DLG2: variants seen among roughly 807,000 people sequenced by gnomAD.
DLG2 encodes disks large homolog 2.
In DLG2, 45 loss-of-function variants were observed where a neutral mutation model predicts 132.5. The ratio of observed to expected loss-of-function variants is 0.34; its 90% confidence interval spans 0.27 to 0.44. DLG2 has a LOEUF of 0.44. Among genes scored for constraint, DLG2 ranks in the 20% least tolerant of loss-of-function variants. The pLI is 1.00. For synonymous variants in DLG2, 424 were observed against 419.6 expected (o/e 1.01, Z -0.13); for missense variants, 1,045 against 1,196.9 (o/e 0.87, Z 1.87).
At chr11:84,605,294 T>C (rs2154535412) in intron 6 of DLG2, among the ~76,000 whole-genome samples, 1 of 152,054 alleles carries the variant, frequency 6.6e-6, no homozygotes, top group African/African-American at 2.4e-5. Flanking sequence ...TTAGAAGAAT[T>C]GCCAAATACA....
chr11:83,769,618 CA>C (rs547292276), intron 18 of DLG2, among the ~76,000 whole-genome samples: 153 of 146,568 alleles, frequency 1.0e-3, no homozygotes, highest in African/African-American at 3.6e-3. Context: ...GGCTGGAGTG[CA>C]ATGGCGCAAT....
At chr11:83,757,829 T>A (rs764534817) in intron 18 of DLG2, among the ~76,000 whole-genome samples, 1 of 152,182 alleles carries the variant, frequency 6.6e-6, no homozygotes. Context: ...CTTCTCTTCA[T>A]TTCCTACTTT....
chr11:83,577,828 AAT>A (rs1325809826), intron 19 of DLG2, among the ~76,000 whole-genome samples: 1 of 114,466 alleles, frequency 8.7e-6, no homozygotes, highest in Non-Finnish European at 1.7e-5. Flanking sequence ...CAAAATATTA[AAT>A]ATATATTATA....
intron 15 of DLG2, among the ~76,000 whole-genome samples, chr11:83,882,745 G>T (rs898183710): frequency 6.6e-6 from 1 of 152,136 alleles, no homozygotes; most frequent in Non-Finnish European, 1.5e-5. Flanking sequence ...AGACTAACAA[G>T]TCAATAACTG....
At chr11:84,008,659 A>G (rs530316487) in intron 11 of DLG2, among the ~76,000 whole-genome samples, 4 of 152,100 alleles carry the variant, frequency 2.6e-5, no homozygotes, top group African/African-American at 4.8e-5. Flanking sequence ...GAAAAAGAAG[A>G]AAAAAAGCTC....
chr11:84,860,746 T>A (rs1431326971), intron 6 of DLG2, among the ~76,000 whole-genome samples: 2 of 151,978 alleles, frequency 1.3e-5, no homozygotes, highest in Non-Finnish European at 2.9e-5. Flanking sequence ...TGTTTTGGAA[T>A]ATTATGCATT....
At chr11:83,832,984 A>T (rs1021769446) in intron 17 of DLG2, among the ~76,000 whole-genome samples, 1 of 152,168 alleles carries the variant, frequency 6.6e-6, no homozygotes, top group Non-Finnish European at 1.5e-5. Flanking sequence ...CTGTTTTTTT[A>T]AATAAAATAA....
rs1342558367 is a variant in DLG2, at chr11:84,424,819, G to A, written c.519+109751C>T. Among the ~76,000 whole-genome samples the A allele has an allele frequency of 2.0e-5, 3 of 151,908 alleles. No individual in the cohort carries two copies. In the East Asian group the frequency reaches 5.8e-4, roughly 29 times the overall value. ...GTTTTATTCTAATCTTGGAGAACAG[G>A]GCTCAGTGAATGAATGATATACCAG... On this transcript the variant is annotated intron_variant, in intron 7 of 27. Coordinates refer to ENST00000376104, the MANE Select transcript of DLG2 (RefSeq NM_001142699.3).
intron 18 of DLG2, among the ~76,000 whole-genome samples, chr11:83,746,224 T>C (rs2153727162): frequency 6.6e-6 from 1 of 152,336 alleles, no homozygotes; most frequent in Non-Finnish European, 1.5e-5. Context: ...ATCCCATTAC[T>C]AGGTATATAC....
At chr11:84,517,041 AAAT>A (rs1172732521) in intron 7 of DLG2, among the ~76,000 whole-genome samples, 10 of 132,558 alleles carry the variant, frequency 7.5e-5, no homozygotes, top group East Asian at 2.2e-4. Context: ...ATAAATAAAT[AAAT>A]AAATATTCTA....
chr11:83,850,160 G>GTGTGTGTGTGT (rs1452960432), intron 16 of DLG2, among the ~76,000 whole-genome samples: 49 of 124,370 alleles, frequency 3.9e-4, no homozygotes, highest in African/African-American at 1.7e-3. Context: ...GTGTGTGTGT[G>GTGTGTGTGTGT]TTTTTTTACT....
intron 6 of DLG2, among the ~76,000 whole-genome samples, chr11:84,634,638 C>T (rs574204503): frequency 1.4e-4 from 22 of 152,290 alleles, no homozygotes; most frequent in African/African-American, 5.1e-4. Flanking sequence ...TATTCTGGTT[C>T]GAGGGACTGT....
chr11:84,836,754 T>G (rs1320772252), intron 6 of DLG2, among the ~76,000 whole-genome samples: 1 of 151,924 alleles, frequency 6.6e-6, no homozygotes, highest in Non-Finnish European at 1.5e-5. Context: ...TGTTATGCCA[T>G]AACATTGATT....
chr11:85,194,605 C>T (rs898181456), intron 4 of DLG2, among the ~76,000 whole-genome samples: 1 of 151,568 alleles, frequency 6.6e-6, no homozygotes, highest in Non-Finnish European at 1.5e-5. Context: ...CCCCTCACCC[C>T]CACCCCCGCC....
chr11:85,016,393 T>A (rs1302290166), intron 6 of DLG2, among the ~76,000 whole-genome samples: 1 of 152,176 alleles, frequency 6.6e-6, no homozygotes, highest in East Asian at 1.9e-4. Flanking sequence ...CACTTTAATC[T>A]TTTCATTTTT....
chr11:84,382,777 T>TAA (rs2098753308), intron 7 of DLG2, among the ~76,000 whole-genome samples: 1 of 151,856 alleles, frequency 6.6e-6, no homozygotes, highest in Non-Finnish European at 1.5e-5. Flanking sequence ...ACACAAAAAA[T>TAA]ACTCAATCTC....
chr11:83,720,006 C>T (rs186931382), intron 18 of DLG2, among the ~76,000 whole-genome samples: 185 of 152,156 alleles, frequency 1.2e-3, no homozygotes, highest in Non-Finnish European at 1.9e-3. Context: ...AAAAGAATGA[C>T]TTTCAGCCGG....
At chr11:85,218,805 G>A (rs187514411) in intron 4 of DLG2, among the ~76,000 whole-genome samples, 36 of 152,130 alleles carry the variant, frequency 2.4e-4, no homozygotes, top group South Asian at 1.7e-3. Flanking sequence ...GCAAAAATAC[G>A]AAATCAACCC....
intron 19 of DLG2, among the ~76,000 whole-genome samples, chr11:83,613,939 C>T (rs150848105): frequency 3.9e-5 from 6 of 152,130 alleles, no homozygotes; most frequent in African/African-American, 1.4e-4. Context: ...TTTTGAAGAG[C>T]TCTACAGGTG....
Sources: allele counts gnomAD v4.1 joint callset (sites outside exome capture counted in the v4.1 genomes callset), GRCh38; gene constraint gnomAD v4.1.1; transcripts MANE v1.5; gene names NCBI Gene and HGNC (gene_info 2026-07-23, HGNC 2026-07-21).